Variants in KCNG3 observed in about 807,000 individuals in gnomAD.
KCNG3 encodes voltage-gated potassium channel regulatory subunit KCNG3.
KCNG3 carries 15 observed loss-of-function variants against 29.0 expected under a neutral mutation model. That is an observed-to-expected ratio of 0.52 (90% CI 0.35 to 0.80). The LOEUF is 0.80. Ranked by LOEUF, KCNG3 falls within the 30% of genes least tolerant of loss-of-function variation. The pLI, the probability that KCNG3 is intolerant of heterozygous loss-of-function variation, is 0.01. For synonymous variants in KCNG3, 322 were observed against 248.9 expected (o/e 1.29, Z -2.76); for missense variants, 512 against 605.7 (o/e 0.85, Z 1.62).
the KCNG3 span, among the ~76,000 whole-genome samples, chr2:42,417,374 G>A: frequency 2.0e-5 from 3 of 152,162 alleles, no homozygotes; most frequent in South Asian, 6.2e-4. Flanking sequence ...GGGTTGGAGT[G>A]CAGCTGCACA....
chr2:42,437,076 T>C (rs748389161), downstream of KCNG3, among the ~76,000 whole-genome samples: 1 of 152,152 alleles, frequency 6.6e-6, no homozygotes, highest in Non-Finnish European at 1.5e-5. Context: ...CATACGAATG[T>C]CTGGAAACCT....
intron 1 of KCNG3, among the ~76,000 whole-genome samples, chr2:42,458,855 G>C (rs1382685006): frequency 6.6e-6 from 1 of 151,968 alleles, no homozygotes; most frequent in African/African-American, 2.4e-5. Context: ...GTCAGTGTGG[G>C]GTAGGCTTTT....
chr2:42,468,383 T>A (rs1283589760), intron 1 of KCNG3, among the ~76,000 whole-genome samples: 1 of 152,026 alleles, frequency 6.6e-6, no homozygotes. Flanking sequence ...AATTGAACCA[T>A]CATAAATTAG....
chr2:42,388,657 C>T, the KCNG3 span: 1 of 152,116 alleles, frequency 6.6e-6, no homozygotes, highest in African/African-American at 2.4e-5. Context: ...GCCACCAGTC[C>T]TATTAGAGTA....
At chr2:42,460,848 T>G (rs1672996307) in intron 1 of KCNG3, among the ~76,000 whole-genome samples, 1 of 152,100 alleles carries the variant, frequency 6.6e-6, no homozygotes. Context: ...ACTCTGACTA[T>G]TCCTTTGATT....
At chr2:42,409,699 CAAAAAAAAAAAAAAAAAA>C in the KCNG3 span, among the ~76,000 whole-genome samples, 1 of 51,992 alleles carries the variant, frequency 1.9e-5, no homozygotes, top group East Asian at 1.0e-3. Context: ...GTGCCTGTCT[CAAAAAAAAAAAAAAAAAA>C]AAAAAAAAAA....
At chr2:42,465,429 C>T (rs967439573) in intron 1 of KCNG3, among the ~76,000 whole-genome samples, 3 of 151,850 alleles carry the variant, frequency 2.0e-5, no homozygotes, top group African/African-American at 7.3e-5. Flanking sequence ...GTTGCCCAGG[C>T]TGGTCTTGAA....
At chr2:42,404,631 A>C in the KCNG3 span, among the ~76,000 whole-genome samples, 1 of 152,060 alleles carries the variant, frequency 6.6e-6, no homozygotes, top group African/African-American at 2.4e-5. Flanking sequence ...GGGAGGCTGA[A>C]GTGGGAGGAT....
At chr2:42,397,826 T>C in the KCNG3 span, among the ~76,000 whole-genome samples, 4 of 152,228 alleles carry the variant, frequency 2.6e-5, no homozygotes, top group African/African-American at 9.6e-5. Context: ...GTGTTATGCA[T>C]GAGAAAATCT....
At chr2:42,462,881 G>C (rs1197355366) in intron 1 of KCNG3, among the ~76,000 whole-genome samples, 3 of 152,014 alleles carry the variant, frequency 2.0e-5, no homozygotes, top group Non-Finnish European at 4.4e-5. Flanking sequence ...GCCACTGCAA[G>C]ATTTTTTTAA....
At chr2:42,430,363 AAAATAAATAAATAAATAAAT>A in the KCNG3 span, among the ~76,000 whole-genome samples, 77 of 140,118 alleles carry the variant, frequency 5.5e-4, no homozygotes, top group East Asian at 6.3e-4. Flanking sequence ...GACTGTCTTA[AAAATAAATAAATAAATAAAT>A]AAATAAATAA....
intron 1 of KCNG3, among the ~76,000 whole-genome samples, chr2:42,471,827 T>C (rs1395479734): frequency 7.0e-6 from 1 of 143,378 alleles, no homozygotes; most frequent in Non-Finnish European, 1.5e-5. Flanking sequence ...GAGGCTGTAG[T>C]GAGCCATGAC....
At chr2:42,439,567 T>C (rs1347352585), downstream of KCNG3, among the ~76,000 whole-genome samples, 1 of 140,830 alleles carries the variant, frequency 7.1e-6, no homozygotes, top group Non-Finnish European at 1.6e-5. Flanking sequence ...CCGGCAATAA[T>C]TGCTTTTTAA....
At chr2:42,393,114 A>G in the KCNG3 span, among the ~76,000 whole-genome samples, 1 of 152,194 alleles carries the variant, frequency 6.6e-6, no homozygotes, top group Non-Finnish European at 1.5e-5. Context: ...TAGGGATAAT[A>G]ATAGTACCTG....
intron 1 of KCNG3, among the ~76,000 whole-genome samples, chr2:42,454,398 G>A (rs566152621): frequency 3.3e-5 from 5 of 152,126 alleles, no homozygotes; most frequent in Non-Finnish European, 7.4e-5. Context: ...GAATCTATTT[G>A]GAATTTAATA....
At chr2:42,410,304 T>C in the KCNG3 span, among the ~76,000 whole-genome samples, 1 of 152,204 alleles carries the variant, frequency 6.6e-6, no homozygotes, top group East Asian at 1.9e-4. Flanking sequence ...TGTGGGTATA[T>C]CTGTGGTATA....
intron 1 of KCNG3, among the ~76,000 whole-genome samples, chr2:42,447,978 C>G (rs895707568): frequency 6.6e-6 from 1 of 152,152 alleles, no homozygotes; most frequent in Non-Finnish European, 1.5e-5. Context: ...AGAGGTTGTA[C>G]CAAATTACCC....
intron 1 of KCNG3, among the ~76,000 whole-genome samples, chr2:42,471,798 T>C (rs1265688333): frequency 6.7e-6 from 1 of 149,682 alleles, no homozygotes; most frequent in Non-Finnish European, 1.5e-5. Context: ...GCAGGAGAAC[T>C]GCTCTAGCCC....
chr2:42,477,870 C>A (rs1238955755), intron 1 of KCNG3, among the ~76,000 whole-genome samples: 2 of 129,174 alleles, frequency 1.5e-5, no homozygotes, highest in Admixed American at 1.7e-4. Context: ...CAAAGCAAGA[C>A]CCCGTCTCAA....
Sources: gnomAD v4.1 joint callset for allele counts (sites outside exome capture counted in the v4.1 genomes callset) on GRCh38, gnomAD v4.1.1 for gene constraint, MANE v1.5 for transcripts, NCBI Gene and HGNC (gene_info 2026-07-23, HGNC 2026-07-21) for gene names.